EEF2: variants seen among roughly 807,000 people sequenced by gnomAD.
The protein encoded by EEF2 is elongation factor 2.
EEF2 carries 21 observed loss-of-function variants against 85.3 expected under a neutral mutation model. The observed-to-expected ratio is 0.25, with a 90% CI of 0.17 to 0.35. EEF2 has a LOEUF of 0.35. Among genes scored for constraint, EEF2 ranks in the 10% least tolerant of loss-of-function variants. The probability of loss-of-function intolerance (pLI) is 1.00; values close to 1 mark genes in which losing one functional copy is unlikely to be tolerated. For missense variants in EEF2, 825 were observed against 1,225.3 expected (o/e 0.67, Z 4.88); for synonymous variants, 723 against 508.8 (o/e 1.42, Z -5.67).
At chr19:3,979,614 A>G (rs2039720539) in intron 10 of EEF2, among the ~76,000 whole-genome samples, 178 bp from the exon 11 acceptor site, 1 of 152,372 alleles carries the variant, frequency 6.6e-6, no homozygotes. Flanking sequence ...TACAGTGAAC[A>G]CGCGCAGAGC....
intron 9 of EEF2, 28 bp from the exon 10 acceptor site, chr19:3,980,094 C>T (rs1191245437): frequency 6.2e-7 from 1 of 1,602,884 alleles, no homozygotes; most frequent in Non-Finnish European, 8.5e-7. Flanking sequence ...CGGCAGCAGG[C>T]CGCAGGGATG....
chr19:3,983,121 T>C lies in EEF2; in HGVS notation c.389A>G (p.Asp130Gly). The change falls in exon 3 of 15, where the codon GAC (aspartate) becomes GGC (glycine). Residue 130 changes from aspartate to glycine, a missense_variant. By Grantham distance (94) the Asp-to-Gly change is moderately conservative. Coordinates refer to ENST00000309311, the MANE Select transcript of EEF2 (RefSeq NM_001961.4). ...RVTDGALVVV[D>G]CVSGVCVQTE... ...GACCCACTGCTTACCTGACACGCAG[T>C]CCACCACCACCAATGCGCCATCGGT... 1 of 1,613,798 alleles carries C rather than the reference T, an allele frequency of 6.2e-7. No individual in the cohort carries two copies. The highest frequency in any genetic ancestry group is 8.5e-7 in the Non-Finnish European group (1 of 1,179,886).
chr19:3,978,707 G>A (rs2039706657), intron 11 of EEF2, among the ~76,000 whole-genome samples: 1 of 146,686 alleles, frequency 6.8e-6, no homozygotes, highest in Non-Finnish European at 1.5e-5. Context: ...GGAGGCTGAG[G>A]CAGGAGAATG....
chr19:3,983,894 C>G, intron 2 of EEF2: 1 of 553,132 alleles, frequency 1.8e-6, no homozygotes, highest in Non-Finnish European at 3.3e-6. Context: ...GCAAGTCCCC[C>G]AGGGAGGGAG....
chr19:3,977,893 T>C lies in EEF2; in HGVS notation c.1993A>G (p.Ile665Val), dbSNP rs1302737668. The change falls in exon 12 of 15, where the codon ATC becomes GTC. Residue 665 changes from isoleucine to valine, a missense_variant. Physicochemically the swap from Ile to Val is conservative, Grantham distance 29. Coordinates refer to ENST00000309311, the MANE Select transcript of EEF2 (RefSeq NM_001961.4). The surrounding 1 kb of genome is among the most constrained non-coding windows in gnomAD (Gnocchi z 5.4). Reference sequence around the variant, plus strand: ...TTGAGGTACTGCACACCCTTGGTGATGTCGGTGAGGATGTTGGGGCCGGTG... The same window carrying C: ...TTGAGGTACTGCACACCCTTGGTGACGTCGGTGAGGATGTTGGGGCCGGTG... ...DGTGPNILTDITKGVQYLNEI... is the reference protein window; with the variant it reads ...DGTGPNILTDVTKGVQYLNEI... The C allele has an allele frequency of 1.2e-6, 2 of 1,613,678 alleles. No homozygotes were observed. The highest frequency in any genetic ancestry group is 1.3e-5 in the African/African-American group (1 of 75,076).
intron 11 of EEF2, among the ~76,000 whole-genome samples, 159 bp downstream of exon 11, chr19:3,979,170 T>C (rs982267914): frequency 9.2e-5 from 14 of 152,152 alleles, no homozygotes; most frequent in Non-Finnish European, 1.6e-4. Flanking sequence ...CCCACATGCC[T>C]GTGGAAGACT....
At chr19:3,978,933 T>C (rs1322036665) in intron 11 of EEF2, among the ~76,000 whole-genome samples, 1 of 149,766 alleles carries the variant, frequency 6.7e-6, no homozygotes, top group African/African-American at 2.5e-5. Context: ...CATCTTGACT[T>C]ACTAACACAG....
In EEF2 at chr19:3,981,937, C is replaced by T; in HGVS notation, c.897+10G>A. The T allele has an allele frequency of 3.1e-6, 5 of 1,612,984 alleles. No homozygotes were observed. The highest frequency in any genetic ancestry group is 4.2e-6 in the Non-Finnish European group (5 of 1,179,350). On this transcript the variant is annotated intron_variant, in intron 6 of 14. Transcript: ENST00000309311. Reference sequence around the variant, plus strand: ...GCATCGGCGGGGTGCCTGGCGCAGCCCTCACTCACCTTGAAGATGGGGTCC... The same window carrying T: ...GCATCGGCGGGGTGCCTGGCGCAGCTCTCACTCACCTTGAAGATGGGGTCC...
Position 3,980,078 on chromosome 19 carries a change from A to C in EEF2, c.1347-12T>G. On this transcript the variant is annotated splice_polypyrimidine_tract_variant and intron_variant, in intron 9 of 14. Transcript: ENST00000309311. ...TCATCAAGATTGTTCTGGAAGAAGC[A>C]GAAGGCGGCAGCAGGCCGCAGGGAT... 1.2e-6 allele frequency: 2 copies of C among 1,608,800 alleles called. No homozygotes were observed. The highest frequency in any genetic ancestry group is 1.7e-6 in the Non-Finnish European group (2 of 1,177,394).
chr19:3,976,899 C>G, intron 14 of EEF2, 152 bp from the exon 15 acceptor site: 1 of 1,009,948 alleles, frequency 9.9e-7, no homozygotes, highest in Non-Finnish European at 1.4e-6. Flanking sequence ...AAGGGCCTAG[C>G]AGGCCACTCA....
Position 3,983,147 on chromosome 19 carries a change from G to A in EEF2, c.363C>T (p.Val121=), listed in dbSNP as rs1209160280. The change falls in exon 3 of 15, where the codon GTC becomes GTT. Residue 121 remains valine, a synonymous_variant. Coordinates refer to ENST00000309311, the MANE Select transcript of EEF2 (RefSeq NM_001961.4). ...FSSEVTAALR[V]TDGALVVVDC... ...CCACCACCACCAATGCGCCATCGGTGACTCGGAGGGCAGCAGTCACCTCCG... is the reference window on the plus strand; with the variant it reads ...CCACCACCACCAATGCGCCATCGGTAACTCGGAGGGCAGCAGTCACCTCCG... The A allele has an allele frequency of 3.1e-6, 5 of 1,614,100 alleles. No individual in the cohort carries two copies. Among genetic ancestry groups the A allele is most frequent in the East Asian group, 2.2e-5 (1 of 44,872 alleles).
Position 3,985,448 on chromosome 19 carries a change from G to C in EEF2, c.-68C>G. Reference sequence around the variant, plus strand: ...AGCGAGTCGCGCCGAGGATGGCGGCGACGACGGCGGAAGAGAACGCTGACG... The same window carrying C: ...AGCGAGTCGCGCCGAGGATGGCGGCCACGACGGCGGAAGAGAACGCTGACG... On this transcript the variant is annotated 5_prime_UTR_variant, in exon 1 of 15. Transcript: ENST00000309311. The C allele has an allele frequency of 1.4e-6, 2 of 1,428,100 alleles. No homozygotes were observed. Among genetic ancestry groups the C allele is most frequent in the African/African-American group, 1.5e-5 (1 of 68,310 alleles). The allele number at this position is 1,428,100 out of a possible 1,614,324, so 88.5% of individuals were successfully genotyped here.
Position 3,980,545 on chromosome 19 carries a change from T to C in EEF2, c.1315A>G (p.Lys439Glu). Reference sequence around the variant, plus strand: ...ATTGGCTTCAGGTAGAGGTCCTCCTTCTTCCCAGGGGTATAGTTGGGCCCC... The same window carrying C: ...ATTGGCTTCAGGTAGAGGTCCTCCTCCTTCCCAGGGGTATAGTTGGGCCCC... ...IMGPNYTPGK[K>E]EDLYLKPIQR... Residue 439 changes from lysine (K) to glutamate (E), a missense_variant, in exon 9 of 15, where the codon AAG becomes GAG. Physicochemically the swap from Lys to Glu is moderately conservative, Grantham distance 56. Coordinates refer to ENST00000309311, the MANE Select transcript of EEF2 (RefSeq NM_001961.4). 1 of 1,613,994 alleles carries C rather than the reference T, an allele frequency of 6.2e-7. No homozygotes were observed. The highest frequency in any genetic ancestry group is 8.5e-7 in the Non-Finnish European group (1 of 1,179,912).
Position 3,976,320 on chromosome 19 carries a change from C to CGTAT in EEF2, c.*233_*234insATAC. 1 of 456,716 alleles carries CGTAT rather than the reference C, an allele frequency of 2.2e-6. No homozygotes were observed. The highest frequency in any genetic ancestry group is 2.8e-5 in the South Asian group (1 of 35,878). The allele number at this position is 456,716 out of a possible 1,614,324, so 28.3% of individuals were successfully genotyped here. A position where few individuals can be genotyped will look rare whatever the true frequency, so the allele number is the denominator to read the frequency against. ...TCCCGCCTCCCCCTCCCCGACCGGC[C>CGTAT]CATTAAGTCCCTACTAAGAGGGCGT... On this transcript the variant is annotated 3_prime_UTR_variant, in exon 15 of 15. Coordinates refer to ENST00000309311, the MANE Select transcript of EEF2 (RefSeq NM_001961.4).
chr19:3,978,055 C>T lies in EEF2; in HGVS notation c.1831G>A (p.Asp611Asn), dbSNP rs1007902036. 3.1e-6 allele frequency: 5 copies of T among 1,589,504 alleles called. No homozygotes were observed. The highest frequency in any genetic ancestry group is 2.3e-5 in the East Asian group (1 of 43,892). The change falls in exon 12 of 15, where the codon GAC becomes AAC. Residue 611 changes from aspartate (D) to asparagine (N), a missense_variant. Asp to Asn is a conservative substitution (Grantham distance 23, BLOSUM62 1). Coordinates refer to ENST00000309311, the MANE Select transcript of EEF2 (RefSeq NM_001961.4). ...RLYMKARPFP[D>N]GLAEDIDKGE... ...TTATCGATGTCCTCGGCCAGGCCGT[C>T]GGGGAAGGGCCGCGCCTTCATGTAC... is the stretch of plus-strand genomic sequence containing the variant.
chr19:3,983,890 C>A (rs1397697675), intron 2 of EEF2: 1 of 545,592 alleles, frequency 1.8e-6, no homozygotes, highest in East Asian at 3.1e-5. Flanking sequence ...GGGGGCAAGT[C>A]CCCCAGGGAG....
Position 3,980,934 on chromosome 19 carries a change from T to A in EEF2, c.1057A>T (p.Met353Leu). The A allele has an allele frequency of 6.4e-7, 1 of 1,573,034 alleles. No individual in the cohort carries two copies. The highest frequency in any genetic ancestry group is 8.6e-7 in the Non-Finnish European group (1 of 1,160,024). The change falls in exon 8 of 15, where the codon ATG (methionine) becomes TTG (leucine). Residue 353 changes from methionine (M) to leucine (L), a missense_variant. Coordinates refer to ENST00000309311, the MANE Select transcript of EEF2 (RefSeq NM_001961.4). ...WLPAGDALLQMITIHLPSPVT... is the reference protein window; with the variant it reads ...WLPAGDALLQLITIHLPSPVT... Reference sequence around the variant, plus strand: ...GGGGAGGGCAGGTGGATGGTGATCATCTGCAACAAGGCGTCTCCGGCAGGC... The same window carrying A: ...GGGGAGGGCAGGTGGATGGTGATCAACTGCAACAAGGCGTCTCCGGCAGGC...
Position 3,982,014 on chromosome 19 carries a change from G to C in EEF2, c.830C>G (p.Ala277Gly), listed in dbSNP as rs1402588341. ...CAGCTTCTTCCCTTCGGGGCTGGTG[G>C]CTGACTTGCTGAACTTGCCGTTGGC... ...DPANGKFSKS[A>G]TSPEGKKLPR... Residue 277 changes from alanine to glycine, a missense_variant, in exon 6 of 15, where the codon GCC (alanine) becomes GGC (glycine). Physicochemically the swap from Ala to Gly is moderately conservative, Grantham distance 60. Transcript: ENST00000309311. The C allele has an allele frequency of 5.0e-6, 8 of 1,614,186 alleles. No individual in the cohort carries two copies. The highest frequency in any genetic ancestry group is 6.8e-6 in the Non-Finnish European group (8 of 1,180,022).
At position 3,977,847 on chromosome 19, in the gene EEF2, A is replaced by G; in HGVS notation, c.2039T>C (p.Val680Ala). The G allele has an allele frequency of 6.3e-7, 1 of 1,595,162 alleles. No individual in the cohort carries two copies. The highest frequency in any genetic ancestry group is 8.6e-7 in the Non-Finnish European group (1 of 1,166,462). The change falls in exon 12 of 15, where the codon GTG becomes GCG. Residue 680 changes from valine to alanine, a missense_variant. By Grantham distance (64) the Val-to-Ala change is moderately conservative. Coordinates refer to ENST00000309311, the MANE Select transcript of EEF2 (RefSeq NM_001961.4). The surrounding 1 kb of genome is among the most constrained non-coding windows in gnomAD (Gnocchi z 5.4). The part of the protein sequence containing the change: ...QYLNEIKDSV[V>A]AGFQWATKEG... ...CTTGGTGGCCCACTGGAAGCCGGCC[A>G]CCACACTGTCCTTGATCTCGTTGAG... is the stretch of plus-strand genomic sequence containing the variant.
Sources: allele counts gnomAD v4.1 joint callset (sites outside exome capture counted in the v4.1 genomes callset), GRCh38; gene constraint gnomAD v4.1.1; non-coding constraint Gnocchi (gnomAD v3.1); transcripts MANE v1.5; gene names NCBI Gene and HGNC (gene_info 2026-07-23, HGNC 2026-07-21).